The following SCGB2B2 variants were observed in gnomAD, a reference collection of about 807,000 sequenced individuals.
The protein encoded by SCGB2B2 is secretoglobin family 2B member 2.
A neutral mutation model predicts 7.6 loss-of-function variants in SCGB2B2; 11 were observed. The ratio of observed to expected loss-of-function variants is 1.45; its 90% CI spans 0.91 to 2.40. The LOEUF (loss-of-function observed/expected upper bound fraction) is 2.40. Among genes scored for constraint, SCGB2B2 ranks in the 30% most tolerant of loss-of-function variants. The pLI, the probability that SCGB2B2 is intolerant of heterozygous loss-of-function variation, is 0.00. For synonymous variants in SCGB2B2, 50 were observed against 48.6 expected (o/e 1.03, Z -0.12); for missense variants, 104 against 115.4 (o/e 0.90, Z 0.45).
At chr19:34,597,917 C>T (rs774654573) in intron 1 of SCGB2B2, among the ~76,000 whole-genome samples, 7 of 151,524 alleles carry the variant, frequency 4.6e-5, no homozygotes, top group Non-Finnish European at 1.0e-4. Context: ...TGGGTCAGGG[C>T]GTTTTCAAGA....
chr19:34,613,539 CAG>C (rs1176464985), intron 1 of SCGB2B2, among the ~76,000 whole-genome samples: 1 of 152,222 alleles, frequency 6.6e-6, no homozygotes. Context: ...TGTTTTCACT[CAG>C]AGTTATTGAT....
chr19:34,605,636 G>A (rs1420222945), intron 1 of SCGB2B2, among the ~76,000 whole-genome samples: 1 of 152,164 alleles, frequency 6.6e-6, no homozygotes, highest in Non-Finnish European at 1.5e-5. Flanking sequence ...CTGCCAGGCT[G>A]GAGTGCAATG....
intron 1 of SCGB2B2, among the ~76,000 whole-genome samples, chr19:34,656,036 T>C (rs1254735416): frequency 1.3e-5 from 2 of 151,274 alleles, no homozygotes; most frequent in African/African-American, 4.9e-5. Context: ...CCCCAATTCA[T>C]AATGAGCTGG....
chr19:34,618,861 C>A (rs988017434), intron 1 of SCGB2B2, among the ~76,000 whole-genome samples: 10 of 152,208 alleles, frequency 6.6e-5, no homozygotes, highest in Non-Finnish European at 1.5e-5. Context: ...TAGTGTCCAA[C>A]TCTCCCAAAC....
rs141287803 is a variant in SCGB2B2, at chr19:34,606,872, A to G, written c.-2031-10278T>C. ...AAGGTTCAGTACTATGCATAGGTTC[A>G]GGCTTTCACGGGGGATTGTGGAATG... is the stretch of plus-strand genomic sequence containing the variant. On this transcript the variant is annotated intron_variant, in intron 1 of 3. Transcript: ENST00000601241. 5.9e-5 allele frequency among the ~76,000 whole-genome samples: 9 copies of G among 152,064 alleles called. No individual in the cohort carries two copies. In the East Asian group the frequency reaches 1.7e-3, roughly 29 times the overall value.
At chr19:34,630,216 G>C (rs1451290313) in intron 1 of SCGB2B2, among the ~76,000 whole-genome samples, 1 of 151,930 alleles carries the variant, frequency 6.6e-6, no homozygotes, top group Non-Finnish European at 1.5e-5. Context: ...AGGACTTCAT[G>C]TCTAAAATAC....
At chr19:34,607,335 T>C (rs1430289590) in intron 1 of SCGB2B2, among the ~76,000 whole-genome samples, 3 of 152,176 alleles carry the variant, frequency 2.0e-5, no homozygotes, top group East Asian at 3.9e-4. Flanking sequence ...TGTATATATA[T>C]CACATTTTCT....
chr19:34,600,562 G>T (rs953699838), intron 1 of SCGB2B2, among the ~76,000 whole-genome samples: 1 of 152,206 alleles, frequency 6.6e-6, no homozygotes, highest in South Asian at 2.1e-4. Context: ...CGTCAGTGTT[G>T]TGTGAACCAT....
intron 1 of SCGB2B2, chr19:34,645,745 T>G (rs1359215432): frequency 1.6e-5 from 6 of 372,078 alleles, no homozygotes; most frequent in Non-Finnish European, 2.7e-5. Flanking sequence ...CGGGCAGGGC[T>G]GAGAGGAAAC....
chr19:34,594,526 G>A lies in SCGB2B2; in HGVS notation c.38C>T (p.Ala13Val). 1 of 1,613,546 alleles carries A rather than the reference G, an allele frequency of 6.2e-7. No homozygotes were observed. Residue 13 changes from alanine (A) to valine (V), a missense_variant, in exon 2 of 4, where the codon GCT becomes GTT. By Grantham distance (64) the Ala-to-Val change is moderately conservative. Coordinates refer to ENST00000601241, the MANE Select transcript of SCGB2B2 (RefSeq NM_001025591.4). ...ACCCAGCTGGACGCTGCAGATCAGA[G>A]CCAGCAGAAGAGCACAGGTGGCGGA... ...VTSATCALLL[A>V]LICSVQLGDA...
intron 1 of SCGB2B2, among the ~76,000 whole-genome samples, chr19:34,655,463 A>G (rs1244012417): frequency 1.3e-5 from 2 of 151,088 alleles, no homozygotes; most frequent in African/African-American, 4.9e-5. Context: ...AAACTACCTA[A>G]GACCTGGATG....
chr19:34,646,218 C>A (rs1367133088), intron 1 of SCGB2B2: 2 of 156,762 alleles, frequency 1.3e-5, no homozygotes, highest in Non-Finnish European at 2.8e-5. Flanking sequence ...CCACAGGCCT[C>A]AACAGGGCCT....
chr19:34,600,006 C>T (rs556230618), intron 1 of SCGB2B2, among the ~76,000 whole-genome samples: 1 of 152,138 alleles, frequency 6.6e-6, no homozygotes, highest in African/African-American at 2.4e-5. Flanking sequence ...CCAGCCTCAC[C>T]TCCTAGAGTA....
At chr19:34,673,365 T>C (rs984875460) in intron 1 of SCGB2B2, among the ~76,000 whole-genome samples, 6 of 152,178 alleles carry the variant, frequency 3.9e-5, no homozygotes, top group Non-Finnish European at 8.8e-5. Flanking sequence ...CCTCTAACCT[T>C]TCTGCTAACA....
In SCGB2B2 at chr19:34,660,487, C is replaced by T. The variant is rs186387229; in HGVS notation, c.-2032+15143G>A. 1.0e-3 allele frequency among the ~76,000 whole-genome samples: 157 copies of T among 152,298 alleles called. 2 individuals are homozygous for T. Among genetic ancestry groups the T allele is most frequent in the African/African-American group, 3.5e-3 (146 of 41,558 alleles). ...AAAGTGGGCAAAGGATATGACCAGA[C>T]ACTTCTCAAAAGAAGACATTTATGC... is the stretch of plus-strand genomic sequence containing the variant. On this transcript the variant is annotated intron_variant, in intron 1 of 3. Transcript: ENST00000601241.
At chr19:34,617,229 T>C (rs1319254422) in intron 1 of SCGB2B2, among the ~76,000 whole-genome samples, 1 of 152,030 alleles carries the variant, frequency 6.6e-6, no homozygotes, top group East Asian at 1.9e-4. Context: ...AAGAAAGTCA[T>C]TGGTAGCTTG....
In SCGB2B2 at chr19:34,593,393, T is replaced by C; in HGVS notation, c.*162A>G. On this transcript the variant is annotated 3_prime_UTR_variant, in exon 4 of 4. Transcript: ENST00000601241. ...TCACACTGGGACCCTGGTCACACTCTGCATATGCGGTCACAGCCAACCCCA... is the reference window on the plus strand; with the variant it reads ...TCACACTGGGACCCTGGTCACACTCCGCATATGCGGTCACAGCCAACCCCA... 1 of 596,432 alleles carries C rather than the reference T, an allele frequency of 1.7e-6. No homozygotes were observed. Among genetic ancestry groups the C allele is most frequent in the East Asian group, 2.8e-5 (1 of 35,926 alleles). 36.9% of individuals were successfully genotyped at this position (596,432 alleles called of 1,614,324 possible). A position where few individuals can be genotyped will look rare whatever the true frequency, so the allele number is the denominator to read the frequency against.
intron 1 of SCGB2B2, among the ~76,000 whole-genome samples, chr19:34,633,903 C>T (rs1179480860): frequency 6.6e-6 from 1 of 152,158 alleles, no homozygotes; most frequent in Admixed American, 6.5e-5. Flanking sequence ...GAAGGGACAG[C>T]CCTGCTTCAA....
At chr19:34,600,408 G>A (rs1449184394) in intron 1 of SCGB2B2, among the ~76,000 whole-genome samples, 3 of 152,174 alleles carry the variant, frequency 2.0e-5, no homozygotes, top group Admixed American at 2.0e-4. Context: ...TGGGGTTTGT[G>A]CCCATGTGTG....
Sources: gnomAD v4.1 joint callset for allele counts (sites outside exome capture counted in the v4.1 genomes callset) on GRCh38, gnomAD v4.1.1 for gene constraint, MANE v1.5 for transcripts, NCBI Gene and HGNC (gene_info 2026-07-23, HGNC 2026-07-21) for gene names.